Variants in FHIT observed in about 807,000 individuals in gnomAD.
The protein encoded by FHIT is fragile histidine triad diadenosine triphosphatase.
FHIT carries 19 observed loss-of-function variants against 17.9 expected under a neutral mutation model. The observed-to-expected ratio is 1.06, with a 90% CI of 0.74 to 1.56. The LOEUF (loss-of-function observed/expected upper bound fraction) is 1.56, where lower values mean the gene tolerates loss of function less well. Among genes scored for constraint, FHIT ranks in the 40% most tolerant of loss-of-function variants. FHIT has a pLI of 0.00. For synonymous variants in FHIT, 81 were observed against 69.7 expected (o/e 1.16, Z -0.81); for missense variants, 248 against 189.2 (o/e 1.31, Z -1.82).
chr3:61,047,804 C>G (rs533550321), intron 2 of FHIT, among the ~76,000 whole-genome samples: 2 of 150,128 alleles, frequency 1.3e-5, no homozygotes, highest in South Asian at 2.1e-4. Flanking sequence ...CAGAACAGAG[C>G]CCTCAGAAAT....
At chr3:60,105,102 C>T (rs934484178) in intron 5 of FHIT, among the ~76,000 whole-genome samples, 1 of 152,124 alleles carries the variant, frequency 6.6e-6, no homozygotes, top group African/African-American at 2.4e-5. Context: ...TAATTAAGAT[C>T]ACTCATTCTA....
Position 60,481,612 on chromosome 3 carries a change from G to A in FHIT, c.103+55248C>T, listed in dbSNP as rs570042491. On this transcript the variant is annotated intron_variant, in intron 5 of 9. Transcript: ENST00000492590. ...CATAAGAGAAATAAAATCCTTTCCA[G>A]ACAAGCAAATGCTGAGGGATTTCAT... Among the ~76,000 whole-genome samples, 5 of 152,238 alleles carry A rather than the reference G, an allele frequency of 3.3e-5. 1 individual carries two copies. The South Asian group carries it at 1.0e-3, about 32-fold the overall frequency.
At chr3:61,217,848 G>C (rs75178137) in intron 1 of FHIT, among the ~76,000 whole-genome samples, 1 of 152,114 alleles carries the variant, frequency 6.6e-6, no homozygotes, top group Non-Finnish European at 1.5e-5. Flanking sequence ...ATTAAAGTTG[G>C]AAAAGAATTA....
intron 4 of FHIT, among the ~76,000 whole-genome samples, chr3:60,704,396 A>G (rs78420016): frequency 0.011 from 1,728 of 152,278 alleles, 9 homozygotes; most frequent in Non-Finnish European, 0.016. Flanking sequence ...ACCTGCACAC[A>G]TTTTAAAATA....
At chr3:60,260,993 C>T (rs1398212804) in intron 5 of FHIT, among the ~76,000 whole-genome samples, 6 of 152,010 alleles carry the variant, frequency 3.9e-5, no homozygotes, top group East Asian at 1.9e-4. Flanking sequence ...CCCTCAGCTC[C>T]GGGAATTGCC....
At chr3:60,454,414 T>A (rs758232204) in intron 5 of FHIT, among the ~76,000 whole-genome samples, 31 of 150,746 alleles carry the variant, frequency 2.1e-4, no homozygotes, top group Non-Finnish European at 4.1e-4. Flanking sequence ...AGACAGAGCC[T>A]CACTCTGTCA....
chr3:60,482,626 C>T (rs978570163), intron 5 of FHIT, among the ~76,000 whole-genome samples: 4 of 151,840 alleles, frequency 2.6e-5, no homozygotes, highest in Non-Finnish European at 5.9e-5. Context: ...TCTTTGAAAC[C>T]AATGAGAACA....
intron 3 of FHIT, among the ~76,000 whole-genome samples, chr3:60,866,588 C>T (rs1422084675): frequency 6.6e-6 from 1 of 152,112 alleles, no homozygotes; most frequent in Non-Finnish European, 1.5e-5. Context: ...TAAGCCTGTC[C>T]CAAATTCCTA....
chr3:61,195,716 A>G (rs890484374), intron 2 of FHIT, among the ~76,000 whole-genome samples: 32 of 152,208 alleles, frequency 2.1e-4, no homozygotes, highest in Admixed American at 7.2e-4. Flanking sequence ...AGGCTCTGTG[A>G]ACAGACTGGC....
At chr3:60,287,397 G>T (rs1335993458) in intron 5 of FHIT, among the ~76,000 whole-genome samples, 1 of 151,978 alleles carries the variant, frequency 6.6e-6, no homozygotes, top group Non-Finnish European at 1.5e-5. Context: ...TCAAACTCCT[G>T]GCCTCAGGTG....
intron 3 of FHIT, among the ~76,000 whole-genome samples, chr3:60,972,922 A>G (rs1710083581): frequency 6.6e-6 from 1 of 152,166 alleles, no homozygotes; most frequent in Admixed American, 6.5e-5. Flanking sequence ...TTCCTTTCAT[A>G]GGATCTAGAT....
chr3:60,299,190 G>C (rs1708343090), intron 5 of FHIT, among the ~76,000 whole-genome samples: 1 of 152,052 alleles, frequency 6.6e-6, no homozygotes, highest in African/African-American at 2.4e-5. Context: ...CGTATTCTTT[G>C]AACCTCATTA....
intron 4 of FHIT, among the ~76,000 whole-genome samples, chr3:60,641,195 A>G (rs1445084024): frequency 1.3e-5 from 2 of 152,128 alleles, no homozygotes; most frequent in South Asian, 2.1e-4. Context: ...AAAAGAAAAG[A>G]AAAGGAAAAA....
intron 8 of FHIT, among the ~76,000 whole-genome samples, chr3:59,797,120 CAAGGAAAACAG>C (rs1474122892): frequency 2.0e-5 from 3 of 151,768 alleles, no homozygotes; most frequent in Non-Finnish European, 4.4e-5. Flanking sequence ...GTAAGACAGA[CAAGGAAAACAG>C]AGAAGTTTTC....
chr3:60,102,766 C>T (rs1704246179), intron 5 of FHIT, among the ~76,000 whole-genome samples: 1 of 152,050 alleles, frequency 6.6e-6, no homozygotes, highest in African/African-American at 2.4e-5. Context: ...TACATCATTA[C>T]AGGATTCAAG....
At chr3:59,980,130 C>A (rs187222009) in intron 7 of FHIT, among the ~76,000 whole-genome samples, 1 of 152,162 alleles carries the variant, frequency 6.6e-6, no homozygotes, top group Non-Finnish European at 1.5e-5. Context: ...CCCTCTTACA[C>A]ATTAAGTTTG....
At chr3:59,974,562 T>C (rs1708327875) in intron 7 of FHIT, among the ~76,000 whole-genome samples, 2 of 152,144 alleles carry the variant, frequency 1.3e-5, no homozygotes, top group South Asian at 4.1e-4. Context: ...TGCTTAATAC[T>C]GTGACATTTA....
intron 4 of FHIT, among the ~76,000 whole-genome samples, chr3:60,726,865 T>C (rs757552378): frequency 6.6e-6 from 1 of 152,200 alleles, no homozygotes; most frequent in Admixed American, 6.5e-5. Context: ...GTCCTCCTAA[T>C]AGTGTCTCTA....
intron 8 of FHIT, among the ~76,000 whole-genome samples, chr3:59,820,583 A>G (rs1298664082): frequency 6.6e-6 from 1 of 152,248 alleles, no homozygotes; most frequent in African/African-American, 2.4e-5. Flanking sequence ...GAACACAGCA[A>G]TGCTCGTTTG....
Sources: allele counts gnomAD v4.1 joint callset (sites outside exome capture counted in the v4.1 genomes callset), GRCh38; gene constraint gnomAD v4.1.1; transcripts MANE v1.5; gene names NCBI Gene and HGNC (gene_info 2026-07-23, HGNC 2026-07-21).